Variants in SPOP observed in about 807,000 individuals in gnomAD.
SPOP encodes speckle type BTB/POZ protein, also known as speckle-type POZ protein.
In SPOP, 11 loss-of-function variants were observed where a neutral mutation model predicts 45.6. The observed-to-expected ratio is 0.24, with a 90% CI of 0.15 to 0.40. SPOP has a LOEUF of 0.40. Among genes scored for constraint, SPOP ranks in the 10% least tolerant of loss-of-function variants. SPOP has a pLI of 1.00. For missense variants in SPOP, 152 were observed against 465.6 expected (o/e 0.33, Z 6.20); for synonymous variants, 166 against 166.3 (o/e 1.00, Z 0.01).
chr17:49,614,848 A>C (rs1429656108), intron 5 of SPOP, among the ~76,000 whole-genome samples: 1 of 135,320 alleles, frequency 7.4e-6, no homozygotes, highest in African/African-American at 3.3e-5. Flanking sequence ...TGTGTGTATA[A>C]AACTATTAGT....
At chr17:49,667,274 A>C (rs1415331555) in intron 1 of SPOP, among the ~76,000 whole-genome samples, 1 of 150,870 alleles carries the variant, frequency 6.6e-6, no homozygotes, top group Non-Finnish European at 1.5e-5. Context: ...TATTGCCCTA[A>C]AAGGGATATC....
chr17:49,677,432 T>C (rs1423750941), intron 1 of SPOP, among the ~76,000 whole-genome samples: 4 of 152,348 alleles, frequency 2.6e-5, no homozygotes, highest in Non-Finnish European at 4.4e-5. Flanking sequence ...TTTCACATAA[T>C]TTAAATTCTC....
chr17:49,623,010 A>T (rs990249269), intron 1 of SPOP, 134 bp from the exon 2 acceptor site: 538 of 391,172 alleles, frequency 1.4e-3, no homozygotes, highest in Middle Eastern at 2.7e-3. Context: ...AGGTCCTAAA[A>T]TTTTTTTTTT....
intron 5 of SPOP, among the ~76,000 whole-genome samples, chr17:49,612,092 AG>A (rs1441090208): frequency 1.3e-5 from 2 of 152,148 alleles, no homozygotes; most frequent in Admixed American, 1.3e-4. Flanking sequence ...TATGTTGCCC[AG>A]GATGATGTTG....
chr17:49,658,183 C>A (rs1305871077), intron 1 of SPOP, among the ~76,000 whole-genome samples: 1 of 152,094 alleles, frequency 6.6e-6, no homozygotes, highest in Non-Finnish European at 1.5e-5. Context: ...TAAAAACACA[C>A]AATCAATTTT....
intron 1 of SPOP, among the ~76,000 whole-genome samples, chr17:49,624,893 A>C (rs2072299194): frequency 6.6e-6 from 1 of 152,168 alleles, no homozygotes; most frequent in Non-Finnish European, 1.5e-5. Flanking sequence ...TTAATAAAAA[A>C]TTGATATATA....
rs1286217588 is a variant in SPOP, at chr17:49,627,137, C to T, written c.-66-4261G>A. ...GTGCTGGGATTACAGGCATGAGCCACCACGCCCGGCCAGGAATTTACAATT... is the reference window on the plus strand; with the variant it reads ...GTGCTGGGATTACAGGCATGAGCCATCACGCCCGGCCAGGAATTTACAATT... On this transcript the variant is annotated intron_variant, in intron 1 of 9. Coordinates refer to ENST00000504102, the MANE Select transcript of SPOP (RefSeq NM_001007228.2). Among the ~76,000 whole-genome samples the T allele has an allele frequency of 3.9e-5, 6 of 152,318 alleles. No individual in the cohort carries two copies. The South Asian group carries it at 1.0e-3, about 26-fold the overall frequency.
chr17:49,600,221 T>G lies in SPOP; in HGVS notation c.*157A>C. The G allele has an allele frequency of 1.1e-6, 1 of 932,616 alleles. No homozygotes were observed. The allele number at this position is 932,616 out of a possible 1,614,324, so 57.8% of individuals were successfully genotyped here. On this transcript the variant is annotated 3_prime_UTR_variant, in exon 10 of 10. Coordinates refer to ENST00000504102, the MANE Select transcript of SPOP (RefSeq NM_001007228.2). The surrounding 1 kb of genome is among the most constrained non-coding windows in gnomAD (Gnocchi z 4.2). ...CCCTCCCCCCGTTTCCCCCAAGTTA[T>G]TTAGTGCTGTTTTAAAAGTCTGGGG...
intron 6 of SPOP, 105 bp downstream of exon 6, chr17:49,611,175 G>A (rs1275960560): frequency 8.0e-7 from 1 of 1,250,678 alleles, no homozygotes; most frequent in East Asian, 2.3e-5. Context: ...AGTTTGTTTT[G>A]TAGTTGAGTT....
At chr17:49,674,147 C>CA (rs939971126) in intron 1 of SPOP, among the ~76,000 whole-genome samples, 123 of 150,052 alleles carry the variant, frequency 8.2e-4, no homozygotes, top group South Asian at 1.3e-3. Context: ...AACTTGGTCT[C>CA]AAAAAAAAAT....
At chr17:49,605,061 G>A (rs984157433) in intron 8 of SPOP, among the ~76,000 whole-genome samples, 1 of 152,032 alleles carries the variant, frequency 6.6e-6, no homozygotes, top group Non-Finnish European at 1.5e-5. Flanking sequence ...CCTAATATCT[G>A]TTGATATTTC....
chr17:49,619,401 AG>A lies in SPOP; in HGVS notation c.201-17del. 1 of 1,585,472 alleles carries A rather than the reference AG, an allele frequency of 6.3e-7. No individual in the cohort carries two copies. The highest frequency in any genetic ancestry group is 8.6e-7 in the Non-Finnish European group (1 of 1,169,520). ...TCGCAAACACCTGTCCAAAACAGAT[AG>A]AAAAAAAAAATGTCAAAAGCATCCA... On this transcript the variant is annotated splice_polypyrimidine_tract_variant and intron_variant, in intron 3 of 9. Transcript: ENST00000504102. The surrounding 1 kb of genome is among the most constrained non-coding windows in gnomAD (Gnocchi z 4.9).
At chr17:49,603,802 T>C (rs1028004529) in intron 8 of SPOP, among the ~76,000 whole-genome samples, 1 of 152,256 alleles carries the variant, frequency 6.6e-6, no homozygotes, top group East Asian at 1.9e-4. Flanking sequence ...TTCTCATTCA[T>C]AAATTTAAAG....
At chr17:49,666,284 T>A (rs1329743705) in intron 1 of SPOP, among the ~76,000 whole-genome samples, 1 of 151,932 alleles carries the variant, frequency 6.6e-6, no homozygotes, top group Non-Finnish European at 1.5e-5. Context: ...TTCAGGGTTA[T>A]CTTTATGAAA....
At chr17:49,607,977 C>T in intron 6 of SPOP, 48 bp from the exon 7 acceptor site, 1 of 1,584,138 alleles carries the variant, frequency 6.3e-7, no homozygotes, top group Non-Finnish European at 8.6e-7. Flanking sequence ...ACAGTGAAAT[C>T]TCTTGGTTGT....
intron 7 of SPOP, 36 bp downstream of exon 7, chr17:49,607,838 C>G (rs17644409): frequency 0.046 from 73,295 of 1,585,982 alleles, 1,929 homozygotes; most frequent in Non-Finnish European, 0.056. Flanking sequence ...CTCTAGATAC[C>G]TGGCTAAACA....
Position 49,599,564 on chromosome 17 carries a change from G to C in SPOP, c.*814C>G, listed in dbSNP as rs2071702999. The C allele has an allele frequency of 4.6e-6, 1 of 216,318 alleles. No homozygotes were observed. The highest frequency in any genetic ancestry group is 9.3e-6 in the Non-Finnish European group (1 of 107,812). 13.4% of individuals were successfully genotyped at this position (216,318 alleles called of 1,614,324 possible). A position where few individuals can be genotyped will look rare whatever the true frequency, so the allele number is the denominator to read the frequency against. On this transcript the variant is annotated 3_prime_UTR_variant, in exon 10 of 10. Coordinates refer to ENST00000504102, the MANE Select transcript of SPOP (RefSeq NM_001007228.2). The stretch of plus-strand genomic sequence containing the variant: ...GTGGGGGAGAAGAAATAAAATCAGA[G>C]AAAAATGCCCAAAAACATTTTCCAC...
At chr17:49,627,455 T>A in intron 1 of SPOP, among the ~76,000 whole-genome samples, 1 of 152,170 alleles carries the variant, frequency 6.6e-6, no homozygotes, top group East Asian at 1.9e-4. Context: ...ATTTCAAAAT[T>A]CCTACTTTGG....
chr17:49,633,418 T>C (rs946286272), intron 1 of SPOP, among the ~76,000 whole-genome samples: 2 of 152,140 alleles, frequency 1.3e-5, no homozygotes, highest in African/African-American at 2.4e-5. Flanking sequence ...TGCTCTTCTT[T>C]CAGGCTATAA....
Sources: gnomAD v4.1 joint callset for allele counts (sites outside exome capture counted in the v4.1 genomes callset) on GRCh38, gnomAD v4.1.1 for gene constraint, Gnocchi (gnomAD v3.1) non-coding constraint, MANE v1.5 for transcripts, NCBI Gene and HGNC (gene_info 2026-07-23, HGNC 2026-07-21) for gene names.